The following SPINK5 variants were observed in gnomAD, a reference collection of about 807,000 sequenced individuals.
SPINK5 encodes the protein serine protease inhibitor Kazal-type 5.
In SPINK5, 125 loss-of-function variants were observed where a neutral mutation model predicts 151.8. The observed-to-expected ratio is 0.82, with a 90% CI of 0.71 to 0.96. The LOEUF is 0.96. Among genes scored for constraint, SPINK5 ranks in the 40% least tolerant of loss-of-function variants. SPINK5 has a pLI of 0.00. For synonymous variants in SPINK5, 374 were observed against 395.3 expected, an observed-to-expected ratio of 0.95 and a Z score of 0.64; for missense variants, 1,194 against 1,291.9, an observed-to-expected ratio of 0.92 and a Z score of 1.16.
At chr5:148,096,677 T>A (rs1753469407) in intron 10 of SPINK5, among the ~76,000 whole-genome samples, 2 of 151,868 alleles carry the variant, frequency 1.3e-5, no homozygotes, top group South Asian at 4.1e-4. Flanking sequence ...AGCCACTCCA[T>A]CAGGCCACCC....
intron 10 of SPINK5, among the ~76,000 whole-genome samples, chr5:148,096,504 C>A (rs1753465084): frequency 6.6e-6 from 1 of 151,896 alleles, no homozygotes; most frequent in South Asian, 2.1e-4. Context: ...AATATGAGAA[C>A]AAAAACTATG....
At chr5:148,123,384 T>TTATATC (rs1754324639) in intron 26 of SPINK5, among the ~76,000 whole-genome samples, 1 of 129,748 alleles carries the variant, frequency 7.7e-6, no homozygotes, top group African/African-American at 2.9e-5. Context: ...CATAACAAGA[T>TTATATC]TATATATATA....
At position 148,088,529 on chromosome 5, in the gene SPINK5, CTT is replaced by C. The variant is rs745691257; in HGVS notation, c.411-10_411-9del. On this transcript the variant is annotated splice_polypyrimidine_tract_variant and intron_variant, in intron 5 of 32. Transcript: ENST00000256084. ...GATATTAAACTGCTGTGTCTACTAA[CTT>C]TTGATTCTAGGAAAACCGGGTCCCA... The C allele has an allele frequency of 1.2e-6, 2 of 1,610,968 alleles. No individual in the cohort carries two copies. Among genetic ancestry groups the C allele is most frequent in the South Asian group, 1.1e-5 (1 of 90,972 alleles).
intron 5 of SPINK5, 85 bp downstream of exon 5, chr5:148,086,617 CT>C (rs1453372286): frequency 6.5e-7 from 1 of 1,540,468 alleles, no homozygotes; most frequent in East Asian, 2.3e-5. Context: ...AGTCTTTAAG[CT>C]AACGATTCAT....
intron 10 of SPINK5, among the ~76,000 whole-genome samples, chr5:148,097,068 CTTT>C (rs1753488642): frequency 6.6e-6 from 1 of 150,480 alleles, no homozygotes; most frequent in Admixed American, 6.7e-5. Context: ...TTCCTTTCTC[CTTT>C]TTCTTTTTCT....
At chr5:148,123,090 T>G (rs1200145168) in intron 26 of SPINK5, among the ~76,000 whole-genome samples, 1 of 151,862 alleles carries the variant, frequency 6.6e-6, no homozygotes, top group Non-Finnish European at 1.5e-5. Context: ...GGCTCATGCC[T>G]GTAATCTCAG....
intron 17 of SPINK5, among the ~76,000 whole-genome samples, chr5:148,108,322 T>C (rs1208152641): frequency 6.6e-6 from 1 of 152,202 alleles, no homozygotes; most frequent in Non-Finnish European, 1.5e-5. Context: ...AAATTTTTAG[T>C]TTAAAGTAAA....
intron 18 of SPINK5, 26 bp downstream of exon 18, chr5:148,108,863 A>G (rs1753848407): frequency 6.2e-7 from 1 of 1,610,388 alleles, no homozygotes; most frequent in African/African-American, 1.3e-5. Flanking sequence ...CATCAGAGCC[A>G]CATAAATATT....
At chr5:148,098,617 A>G (rs1234163583) in intron 11 of SPINK5, among the ~76,000 whole-genome samples, 1 of 152,086 alleles carries the variant, frequency 6.6e-6, no homozygotes, top group Non-Finnish European at 1.5e-5. Flanking sequence ...TCCATTGTAC[A>G]AAGCAAATTT....
intron 32 of SPINK5, among the ~76,000 whole-genome samples, chr5:148,134,253 C>T (rs888148582): frequency 1.3e-5 from 2 of 152,098 alleles, no homozygotes; most frequent in Non-Finnish European, 2.9e-5. Flanking sequence ...TAAACAATTT[C>T]TATATAATGC....
chr5:148,110,575 TC>T (rs933307914), intron 18 of SPINK5, among the ~76,000 whole-genome samples: 38 of 152,278 alleles, frequency 2.5e-4, no homozygotes, highest in African/African-American at 9.1e-4. Context: ...TGTGTTTTCT[TC>T]AAAGAAATTA....
intron 21 of SPINK5, 54 bp from the exon 22 acceptor site, chr5:148,116,316 G>A: frequency 6.4e-7 from 1 of 1,571,142 alleles, no homozygotes; most frequent in Non-Finnish European, 8.8e-7. Context: ...TCAAAGAAAT[G>A]CACACCACTC....
At chr5:148,107,206 A>G in intron 17 of SPINK5, 42 bp downstream of exon 17, 4 of 1,603,660 alleles carry the variant, frequency 2.5e-6, no homozygotes, top group Non-Finnish European at 3.4e-6. Flanking sequence ...TTCTTCATCC[A>G]TGATCGCCCC....
intron 7 of SPINK5, among the ~76,000 whole-genome samples, chr5:148,090,086 G>A (rs1013233650): frequency 1.3e-5 from 2 of 151,754 alleles, no homozygotes; most frequent in African/African-American, 4.8e-5. Context: ...AGTGGAACGC[G>A]GATCATTACA....
In SPINK5 at chr5:148,124,799, G is replaced by A. The variant is rs1356598877; in HGVS notation, c.2701G>A (p.Glu901Lys). The change falls in exon 28 of 33, where the codon GAA becomes AAA. Residue 901 changes from glutamate to lysine, a missense_variant. Transcript: ENST00000256084. ...REANERKKKDEEKSSSKPSNN... is the reference protein window; with the variant it reads ...REANERKKKDKEKSSSKPSNN... Reference sequence around the variant, plus strand: ...AGCTAATGAAAGAAAAAAGAAAGATGAAGAGAAATCAAGTAGCAAGCCCTC... The same window carrying A: ...AGCTAATGAAAGAAAAAAGAAAGATAAAGAGAAATCAAGTAGCAAGCCCTC... 1 of 1,607,490 alleles carries A rather than the reference G, an allele frequency of 6.2e-7. No individual in the cohort carries two copies. The highest frequency in any genetic ancestry group is 2.2e-5 in the East Asian group (1 of 44,564).
At chr5:148,112,827 G>A (rs1445281448) in intron 19 of SPINK5, 41 bp from the exon 20 acceptor site, 1 of 1,612,626 alleles carries the variant, frequency 6.2e-7, no homozygotes, top group Non-Finnish European at 8.5e-7. Context: ...AGTATGTATT[G>A]GGTGCTAGGA....
chr5:148,118,946 A>C, intron 23 of SPINK5, 40 bp from the exon 24 acceptor site: 2 of 1,597,750 alleles, frequency 1.3e-6, no homozygotes, highest in Non-Finnish European at 1.7e-6. Flanking sequence ...CAGGGTCAAT[A>C]TTTGTTAACA....
chr5:148,125,158 G>A (rs1464157033), intron 28 of SPINK5, among the ~76,000 whole-genome samples: 2 of 152,108 alleles, frequency 1.3e-5, no homozygotes, highest in African/African-American at 4.8e-5. Flanking sequence ...GACACTTTAA[G>A]TGTGAAACAA....
intron 13 of SPINK5, among the ~76,000 whole-genome samples, chr5:148,100,961 G>A (rs1753626605): frequency 6.6e-6 from 1 of 152,116 alleles, no homozygotes; most frequent in Non-Finnish European, 1.5e-5. Context: ...TTCAAAGATG[G>A]ATGATTTACC....
Sources: allele counts gnomAD v4.1 joint callset (sites outside exome capture counted in the v4.1 genomes callset), GRCh38; gene constraint gnomAD v4.1.1; transcripts MANE v1.5; gene names NCBI Gene and HGNC (gene_info 2026-07-23, HGNC 2026-07-21).